The following ABI1 variants were observed in gnomAD, a reference collection of about 807,000 sequenced individuals.
The protein encoded by ABI1 is abl interactor 1.
Under a neutral mutation model 54.6 loss-of-function variants are expected in ABI1, and 14 were observed. The observed-to-expected ratio is 0.26, with a 90% CI of 0.17 to 0.40. The LOEUF is 0.40. Among genes scored for constraint, ABI1 ranks in the 10% least tolerant of loss-of-function variants. ABI1 has a pLI of 1.00. For synonymous variants in ABI1, 194 were observed against 209.3 expected (o/e 0.93, Z 0.63); for missense variants, 443 against 598.3 (o/e 0.74, Z 2.71).
chr10:26,763,652 T>C (rs1440508053), intron 7 of ABI1, among the ~76,000 whole-genome samples: 1 of 152,206 alleles, frequency 6.6e-6, no homozygotes, highest in Non-Finnish European at 1.5e-5. Context: ...ATTAAGTTGG[T>C]TATAAACCAA....
intron 2 of ABI1, among the ~76,000 whole-genome samples, chr10:26,782,600 G>C (rs567847477): frequency 1.2e-4 from 19 of 152,012 alleles, no homozygotes; most frequent in Admixed American, 5.9e-4. Context: ...GTGTGTGCCT[G>C]TAGTCCCAGC....
At chr10:26,808,427 C>T (rs7894246) in intron 2 of ABI1, among the ~76,000 whole-genome samples, 6,502 of 152,100 alleles carry the variant, frequency 0.043, 338 homozygotes, top group East Asian at 0.21. Flanking sequence ...GGTGGGATGG[C>T]GGGCTGGTGT....
intron 3 of ABI1, 59 bp from the exon 4 acceptor site, chr10:26,771,148 T>C: frequency 6.4e-7 from 1 of 1,565,038 alleles, no homozygotes; most frequent in Non-Finnish European, 8.8e-7. Context: ...GTAAGTTATA[T>C]CCGATAGGAC....
At chr10:26,761,685 A>C (rs1839247753) in intron 7 of ABI1, among the ~76,000 whole-genome samples, 1 of 124,838 alleles carries the variant, frequency 8.0e-6, no homozygotes, top group Non-Finnish European at 1.7e-5. Flanking sequence ...CACATATATA[A>C]CCTTAAACAA....
chr10:26,806,005 A>AG (rs1432392119), intron 2 of ABI1, among the ~76,000 whole-genome samples: 1 of 152,200 alleles, frequency 6.6e-6, no homozygotes, highest in Admixed American at 6.5e-5. Flanking sequence ...ATCACCCTGA[A>AG]AAAACCATGC....
At chr10:26,772,029 T>C (rs1247076636) in intron 3 of ABI1, among the ~76,000 whole-genome samples, 2 of 151,764 alleles carry the variant, frequency 1.3e-5, no homozygotes, top group African/African-American at 4.8e-5. Flanking sequence ...TCTCAACAAG[T>C]AACTACCATT....
intron 2 of ABI1, among the ~76,000 whole-genome samples, chr10:26,783,560 T>C (rs1842391996): frequency 6.6e-6 from 1 of 152,328 alleles, no homozygotes; most frequent in Non-Finnish European, 1.5e-5. Flanking sequence ...TCACTGAATG[T>C]GGCTGTCTCC....
At chr10:26,846,833 CAG>C (rs1236640729) in intron 1 of ABI1, among the ~76,000 whole-genome samples, 4 of 152,170 alleles carry the variant, frequency 2.6e-5, no homozygotes, top group African/African-American at 9.7e-5. Context: ...CTCCCCTCCA[CAG>C]AGACACTGTT....
chr10:26,828,343 G>C (rs1288506927), intron 1 of ABI1, among the ~76,000 whole-genome samples: 1 of 152,100 alleles, frequency 6.6e-6, no homozygotes, highest in African/African-American at 2.4e-5. Flanking sequence ...AAAAAGGTTT[G>C]AAATATTTTA....
intron 2 of ABI1, among the ~76,000 whole-genome samples, chr10:26,784,528 GGTCCC>G (rs1417846933): frequency 3.3e-5 from 5 of 152,016 alleles, no homozygotes; most frequent in Non-Finnish European, 5.9e-5. Flanking sequence ...CTTAAAAGTA[GGTCCC>G]ACATAACTGG....
intron 2 of ABI1, among the ~76,000 whole-genome samples, chr10:26,806,716 TAC>T (rs771447661): frequency 1.3e-5 from 2 of 152,292 alleles, no homozygotes; most frequent in South Asian, 4.1e-4. Flanking sequence ...TTGAATCATA[TAC>T]ACCAAACAAG....
At chr10:26,790,947 T>C (rs1011897765) in intron 2 of ABI1, among the ~76,000 whole-genome samples, 2 of 151,774 alleles carry the variant, frequency 1.3e-5, no homozygotes, top group South Asian at 2.1e-4. Flanking sequence ...GGCACACACT[T>C]GCAGTCCCAG....
At chr10:26,822,660 C>G (rs898192983) in intron 2 of ABI1, among the ~76,000 whole-genome samples, 2 of 151,574 alleles carry the variant, frequency 1.3e-5, no homozygotes, top group Admixed American at 6.6e-5. Flanking sequence ...AAAATGTAAA[C>G]TAATCTCTAG....
intron 8 of ABI1, among the ~76,000 whole-genome samples, chr10:26,757,830 G>A (rs929709589): frequency 6.6e-6 from 1 of 152,206 alleles, no homozygotes; most frequent in African/African-American, 2.4e-5. Context: ...CACTTTGGGA[G>A]GCTGAGGTGG....
intron 2 of ABI1, among the ~76,000 whole-genome samples, chr10:26,819,325 A>G (rs958319018): frequency 3.3e-5 from 5 of 152,208 alleles, no homozygotes; most frequent in African/African-American, 1.2e-4. Context: ...GAAGAATACT[A>G]CCCAAGATAA....
chr10:26,769,478 T>A (rs938225059), intron 5 of ABI1, among the ~76,000 whole-genome samples: 6 of 152,150 alleles, frequency 3.9e-5, no homozygotes, highest in African/African-American at 1.4e-4. Context: ...ACTTCATTTT[T>A]TTTTTCAGGG....
At chr10:26,763,286 A>G (rs1382320831) in intron 7 of ABI1, among the ~76,000 whole-genome samples, 1 of 152,208 alleles carries the variant, frequency 6.6e-6, no homozygotes, top group Non-Finnish European at 1.5e-5. Flanking sequence ...TCTAGACTCA[A>G]TGGTTTTTAC....
At chr10:26,760,061 T>C (rs924226968) in intron 7 of ABI1, among the ~76,000 whole-genome samples, 11 of 151,156 alleles carry the variant, frequency 7.3e-5, no homozygotes, top group Non-Finnish European at 1.0e-4. Context: ...TTTTTCATAG[T>C]ACATCCAAAG....
chr10:26,798,369 G>A (rs1420187934), intron 2 of ABI1, among the ~76,000 whole-genome samples: 2 of 151,974 alleles, frequency 1.3e-5, no homozygotes, highest in Admixed American at 6.6e-5. Context: ...GAGGCCAGAG[G>A]GTCAGTACTG....
Sources: gnomAD v4.1 joint callset for allele counts (sites outside exome capture counted in the v4.1 genomes callset) on GRCh38, gnomAD v4.1.1 for gene constraint, MANE v1.5 for transcripts, NCBI Gene and HGNC (gene_info 2026-07-23, HGNC 2026-07-21) for gene names.